The following OBSL1 variants were observed in gnomAD, a reference collection of about 807,000 sequenced individuals.
OBSL1 encodes the protein obscurin like cytoskeletal adaptor 1.
Under a neutral mutation model 172.0 loss-of-function variants are expected in OBSL1, and 160 were observed. That is an observed-to-expected ratio of 0.93 (90% CI 0.82 to 1.06). The LOEUF is 1.06. Ranked by LOEUF, OBSL1 falls within the 50% of genes least tolerant of loss-of-function variation. The probability of loss-of-function intolerance (pLI) is 0.00; values close to 1 mark genes in which losing one functional copy is unlikely to be tolerated. For synonymous variants in OBSL1, 1,200 were observed against 1,196.3 expected, an observed-to-expected ratio of 1.00 and a Z score of -0.06; for missense variants, 2,681 against 2,715.4, an observed-to-expected ratio of 0.99 and a Z score of 0.28.
In OBSL1 at chr2:219,567,045, G is replaced by C. The variant is rs969469409; in HGVS notation, c.1919C>G (p.Ser640Cys). 1.9e-6 allele frequency: 3 copies of C among 1,613,340 alleles called. No individual in the cohort carries two copies. The African/African-American group carries it at 4.0e-5, about 22-fold the overall frequency. ...GAACCAGGTACCCTGGATGATGGTGGAGAGATCGAGGGAGAAGACGGCATC... is the reference window on the plus strand; with the variant it reads ...GAACCAGGTACCCTGGATGATGGTGCAGAGATCGAGGGAGAAGACGGCATC... ...GEDAVFSLDL[S>C]TIIQGTWFLN... The change falls in exon 5 of 21, where the codon TCC (serine) becomes TGC (cysteine). Residue 640 changes from serine (S) to cysteine (C), a missense_variant. Ser to Cys is a moderately radical substitution (Grantham distance 112). Around this residue, in one of 5 missense-constraint regions of OBSL1, gnomAD observed 53 missense variants for 85.5 expected, o/e 0.62. Transcript: ENST00000404537.
Position 219,569,163 on chromosome 2 carries a change from GTGTGTGTATGCAAC to G in OBSL1, c.1013-853_1013-840del, listed in dbSNP as rs1697156217. On this transcript the variant is annotated intron_variant, in intron 1 of 20. Transcript: ENST00000404537. ...GCTGGAGAAGCAAGTTTTTGTGTGCGTGTGTGTATGCAACTCGGGGAAGCTCCTCTAGCCTTCCC... is the reference window on the plus strand; with the variant it reads ...GCTGGAGAAGCAAGTTTTTGTGTGCGTCGGGGAAGCTCCTCTAGCCTTCCC... 2.0e-5 allele frequency: 3 copies of G among 152,074 alleles called. No homozygotes were observed. The South Asian group carries it at 6.2e-4, about 32-fold the overall frequency. 9.4% of individuals were successfully genotyped at this position (152,074 alleles called of 1,614,324 possible). A position where few individuals can be genotyped will look rare whatever the true frequency, so the allele number is the denominator to read the frequency against.
At chr2:219,550,702 C>G, downstream of OBSL1, 1 of 1,252,320 alleles carries the variant, frequency 8.0e-7, no homozygotes, top group Non-Finnish European at 1.1e-6. Context: ...GTCTGCCCCC[C>G]CACATCACTC....
chr2:219,549,782 C>T (rs201600396), downstream of OBSL1: 13 of 1,614,160 alleles, frequency 8.1e-6, no homozygotes, highest in African/African-American at 2.7e-5. Flanking sequence ...TGGCCTCACC[C>T]ACAGATGCGG....
Position 219,570,338 on chromosome 2 carries a change from C to T in OBSL1, c.895G>A (p.Asp299Asn), listed in dbSNP as rs1353102897. Residue 299 changes from aspartate to asparagine, a missense_variant, in exon 1 of 21, where the codon GAC (aspartate) becomes AAC (asparagine). Asp to Asn is a conservative substitution (Grantham distance 23). Around this residue, in one of 5 missense-constraint regions of OBSL1, gnomAD observed 706 missense variants for 695.8 expected, o/e 1.01. Coordinates refer to ENST00000404537, the MANE Select transcript of OBSL1 (RefSeq NM_015311.3). ...DRRRLMYRDR[D>N]GGFVLKVLYC... ...AGCACCTTGAGCACGAAGCCGCCGT[C>T]GCGGTCGCGGTACATGAGGCGGCGG... 2 of 1,612,206 alleles carry T rather than the reference C, an allele frequency of 1.2e-6. No individual in the cohort carries two copies.
At chr2:219,569,295 C>G (rs1348368469) in intron 1 of OBSL1, 1 of 152,164 alleles carries the variant, frequency 6.6e-6, no homozygotes, top group Non-Finnish European at 1.5e-5. Context: ...ACCACCGCAG[C>G]CTGGGGGCAA....
chr2:219,552,213 T>C lies in OBSL1; in HGVS notation c.5312A>G (p.Lys1771Arg), dbSNP rs746041893. 5 of 1,600,564 alleles carry C rather than the reference T, an allele frequency of 3.1e-6. No homozygotes were observed. Among genetic ancestry groups the C allele is most frequent in the African/African-American group, 2.7e-5 (2 of 74,784 alleles). ...GARVRIRQEG[K>R]KHILVLSELR... ...CTCGCTAAGCACCAGAATGTGTTTC[T>C]TCCCTGGGGGTGAGGGGGTCGCTAG... is the stretch of plus-strand genomic sequence containing the variant. Residue 1771 changes from lysine to arginine, a missense_variant, in exon 19 of 21, where the codon AAG (lysine) becomes AGG (arginine). Coordinates refer to ENST00000404537, the MANE Select transcript of OBSL1 (RefSeq NM_015311.3).
intron 1 of OBSL1, chr2:219,569,423 T>C (rs527864755): frequency 6.6e-6 from 1 of 152,368 alleles, no homozygotes; most frequent in East Asian, 1.9e-4. Context: ...GATGAAATCC[T>C]ATTATGGGGA....
downstream of OBSL1, chr2:219,549,389 A>T (rs1239379607): frequency 1.9e-6 from 3 of 1,591,578 alleles, no homozygotes; most frequent in East Asian, 4.5e-5. Context: ...CAGAATGAGA[A>T]GGAAGTGTGG....
rs1696998197 is a variant in OBSL1, at chr2:219,567,508, G to A, written c.1602C>T (p.Val534=). 1 of 1,613,502 alleles carries A rather than the reference G, an allele frequency of 6.2e-7. No individual in the cohort carries two copies. Among genetic ancestry groups the A allele is most frequent in the African/African-American group, 1.3e-5 (1 of 74,920 alleles). The change falls in exon 4 of 21, where the codon GTC becomes GTT. Residue 534 remains valine (V), a synonymous_variant. Transcript: ENST00000404537. ...GCTCGGGAGGCTTCCAGGTCAACAG[G>A]ACCGTGTTCTTGTGGCCCTTGAACA... ...AEMFKGHKNT[V]LLTWKPPEPA...
Position 219,570,882 on chromosome 2 carries a change from C to A in OBSL1, c.351G>T (p.Pro117=). 2 of 1,368,150 alleles carry A rather than the reference C, an allele frequency of 1.5e-6. No individual in the cohort carries two copies. Among genetic ancestry groups the A allele is most frequent in the Non-Finnish European group, 1.9e-6 (2 of 1,064,470 alleles). 84.8% of individuals were successfully genotyped at this position (1,368,150 alleles called of 1,614,324 possible). The change falls in exon 1 of 21, where the codon CCG becomes CCT. Residue 117 remains proline (P), a synonymous_variant. Coordinates refer to ENST00000404537, the MANE Select transcript of OBSL1 (RefSeq NM_015311.3). ...CCTCCCCGGACCCCGGCGATGGCAG[C>A]GGGCGCTCGGCGGGCTGCAGCTCGG... ...SDPELQPAER[P]LPSPGSGEGA...
rs1224130787 is a variant in OBSL1 at position 219,567,088 on chromosome 2, G to A, written c.1876C>T (p.Gln626Ter). ...ARLVAGLEDVQVYDGEDAVFS... is the reference protein window; with the variant it reads ...ARLVAGLEDV ...ACGGCATCTTCCCCGTCGTATACCT[G>A]CACATCCTCCAGACCTGCCACCAGG... is the stretch of plus-strand genomic sequence containing the variant. Residue 626 changes from glutamine (Q) to a stop codon, truncating the protein, a stop_gained, in exon 5 of 21, where the codon CAG becomes TAG. Transcript: ENST00000404537. LOFTEE classifies it high-confidence loss of function. The A allele has an allele frequency of 6.2e-7, 1 of 1,613,294 alleles. No individual in the cohort carries two copies. Among genetic ancestry groups the A allele is most frequent in the Non-Finnish European group, 8.5e-7 (1 of 1,179,810 alleles).
intron 7 of OBSL1, chr2:219,563,016 C>T (rs1696608758): frequency 2.1e-6 from 1 of 469,344 alleles, no homozygotes; most frequent in Admixed American, 3.6e-5. Flanking sequence ...GGGGTCTCCT[C>T]CTCCAAGATG....
chr2:219,562,541 C>T lies in OBSL1; in HGVS notation c.2814G>A (p.Val938=). ...GCAGGAGCAGCGCGGGGCTCTCCACCACCTCCTCTCCATCCTTGGTCCAGC... is the reference window on the plus strand; with the variant it reads ...GCAGGAGCAGCGCGGGGCTCTCCACTACCTCCTCTCCATCCTTGGTCCAGC... ...EVRWTKDGEE[V]VESPALLLQK... is the part of the protein sequence containing the mutation. The change falls in exon 8 of 21, where the codon GTG becomes GTA. Residue 938 remains valine (V), a synonymous_variant. Transcript: ENST00000404537. 1.2e-6 allele frequency: 2 copies of T among 1,613,918 alleles called. No homozygotes were observed. The highest frequency in any genetic ancestry group is 1.6e-4 in the Middle Eastern group (1 of 6,062).
chr2:219,548,093 C>T (rs1559127480), downstream of OBSL1: 2 of 1,526,616 alleles, frequency 1.3e-6, no homozygotes, highest in Non-Finnish European at 8.8e-7. Flanking sequence ...TAAGGGGGCA[C>T]AGGCCAAGGT....
chr2:219,553,214 G>C (rs568827102), intron 16 of OBSL1, among the ~76,000 whole-genome samples, 190 bp from the exon 17 acceptor site: 1 of 152,320 alleles, frequency 6.6e-6, no homozygotes, highest in South Asian at 2.1e-4. Context: ...CTTTGAAAAA[G>C]CGTCACCCTT....
chr2:219,557,728 C>T (rs1156362367), intron 11 of OBSL1, 95 bp downstream of exon 11: 2 of 1,537,166 alleles, frequency 1.3e-6, no homozygotes, highest in African/African-American at 1.4e-5. Flanking sequence ...CAGGGATGGG[C>T]AAGGCATGCT....
At chr2:219,552,839 GC>G in intron 17 of OBSL1, 28 bp downstream of exon 17, 1 of 1,541,626 alleles carries the variant, frequency 6.5e-7, no homozygotes, top group African/African-American at 1.4e-5. Context: ...CCAAAGCAGT[GC>G]CCAGCCTCCA....
chr2:219,562,034 T>G (rs1458172469), intron 8 of OBSL1: 1 of 716,986 alleles, frequency 1.4e-6, no homozygotes, highest in East Asian at 2.7e-5. Flanking sequence ...AGCACATGTG[T>G]GGAATGCGCA....
chr2:219,551,786 T>A lies in OBSL1; in HGVS notation c.5426A>T (p.Gln1809Leu). 3 of 1,583,766 alleles carry A rather than the reference T, an allele frequency of 1.9e-6. No homozygotes were observed. The highest frequency in any genetic ancestry group is 2.6e-6 in the Non-Finnish European group (3 of 1,163,036). ...CTCGCGAGGGGGGTGGCGGCACATC[T>A]GGAGAGGCAATGCTGGGGGTAGGGG... Reference protein sequence around the residue: ...ALLEVEALPLQMCRHPPREKT... With the variant: ...ALLEVEALPLLMCRHPPREKT... The change falls in exon 20 of 21, where the codon CAG (glutamine) becomes CTG (leucine). Residue 1809 changes from glutamine (Q) to leucine (L), a missense_variant. Physicochemically the swap from Gln to Leu is moderately radical, Grantham distance 113 (BLOSUM62 -2). Transcript: ENST00000404537.
Sources: allele counts gnomAD v4.1 joint callset (sites outside exome capture counted in the v4.1 genomes callset), GRCh38; gene constraint gnomAD v4.1.1; regional missense constraint gnomAD v4.1.1; transcripts MANE v1.5; gene names NCBI Gene and HGNC (gene_info 2026-07-23, HGNC 2026-07-21).